PCDHGA5: variants seen among roughly 807,000 people sequenced by gnomAD.
The protein encoded by PCDHGA5 is protocadherin gamma subfamily A, 5, also known as protocadherin gamma-A5.
Under a neutral mutation model 56.7 loss-of-function variants are expected in PCDHGA5, and 36 were observed. That is an observed-to-expected ratio of 0.64 (90% CI 0.49 to 0.84). The LOEUF (loss-of-function observed/expected upper bound fraction) is 0.84, where lower values mean the gene tolerates loss of function less well. PCDHGA5 is among the 40% of genes least tolerant of loss of function. PCDHGA5 has a pLI of 0.00. For missense variants in PCDHGA5, 1,305 were observed against 1,201.5 expected (o/e 1.09, Z -1.27); for synonymous variants, 563 against 520.2 (o/e 1.08, Z -1.12).
chr5:141,415,315 G>T (rs201784236), intron 1 of PCDHGA5: 14 of 1,614,208 alleles, frequency 8.7e-6, no homozygotes, highest in African/African-American at 4.0e-5. Context: ...CTTCGTCATC[G>T]TGCTGCTGGC....
At position 141,374,676 on chromosome 5, in the gene PCDHGA5, G is replaced by T. The variant is rs372705367; in HGVS notation, c.2421+7925G>T. ...AAGTACCCGGAGCTGGTGCTGGAGG[G>T]CACACTGGACCGGGAAGGAGAAGCC... On this transcript the variant is annotated intron_variant, in intron 1 of 3. Coordinates refer to ENST00000518069, the MANE Select transcript of PCDHGA5 (RefSeq NM_018918.3). 8 of 1,610,386 alleles carry T rather than the reference G, an allele frequency of 5.0e-6. No individual in the cohort carries two copies. The African/African-American group carries it at 1.1e-4, about 22-fold the overall frequency.
At chr5:141,398,957 T>G (rs1307112913) in intron 1 of PCDHGA5, 1 of 1,613,868 alleles carries the variant, frequency 6.2e-7, no homozygotes, top group South Asian at 1.1e-5. Context: ...AACTCAGAAA[T>G]TACTTATTCC....
chr5:141,395,589 T>C (rs1254958503), intron 1 of PCDHGA5: 2 of 194,644 alleles, frequency 1.0e-5, no homozygotes, highest in Admixed American at 1.2e-4. Context: ...TGTGTGTGTG[T>C]GTATCCCAAA....
At chr5:141,371,673 A>G in intron 1 of PCDHGA5, 1 of 1,614,030 alleles carries the variant, frequency 6.2e-7, no homozygotes, top group Non-Finnish European at 8.5e-7. Flanking sequence ...AGCTACCGAC[A>G]AAGGCAATCC....
chr5:141,416,996 C>T (rs1280099812), intron 1 of PCDHGA5: 1 of 151,012 alleles, frequency 6.6e-6, no homozygotes. Flanking sequence ...GTGCATTCAT[C>T]TCAAATAATT....
At position 141,421,448 on chromosome 5, in the gene PCDHGA5, A is replaced by G. The variant is rs772957069; in HGVS notation, c.2421+54697A>G. On this transcript the variant is annotated intron_variant, in intron 1 of 3. Coordinates refer to ENST00000518069, the MANE Select transcript of PCDHGA5 (RefSeq NM_018918.3). ...CGCATCGTCTCCAGAGGGAAGACAC[A>G]GCTTTTCGCTGTGAATCCGCGAAGC... The G allele has an allele frequency of 7.8e-5, 126 of 1,614,014 alleles. No individual in the cohort carries two copies. The highest frequency in any genetic ancestry group is 1.0e-4 in the Non-Finnish European group (119 of 1,179,944).
At chr5:141,509,319 G>A (rs1427191152) in intron 3 of PCDHGA5, among the ~76,000 whole-genome samples, 3 of 152,216 alleles carry the variant, frequency 2.0e-5, no homozygotes, top group African/African-American at 4.8e-5. Context: ...TGGGAGAGAA[G>A]CTCTACTGCC....
At chr5:141,399,763 G>A (rs753865606) in intron 1 of PCDHGA5, 8 of 1,613,378 alleles carry the variant, frequency 5.0e-6, no homozygotes, top group Admixed American at 1.7e-5. Context: ...GAGCCTGCGC[G>A]TGTTGGTGGG....
chr5:141,453,870 C>A (rs932804656), intron 1 of PCDHGA5, among the ~76,000 whole-genome samples: 2 of 152,146 alleles, frequency 1.3e-5, no homozygotes, highest in African/African-American at 4.8e-5. Context: ...AACAGATGAG[C>A]AAAATAATGT....
intron 2 of PCDHGA5, among the ~76,000 whole-genome samples, chr5:141,498,421 A>C (rs1328848787): frequency 6.6e-6 from 1 of 152,016 alleles, no homozygotes; most frequent in Non-Finnish European, 1.5e-5. Flanking sequence ...CTGGCACTGG[A>C]GTGAGGGGAT....
chr5:141,375,144 G>C lies in PCDHGA5; in HGVS notation c.2421+8393G>C, dbSNP rs747224962. On this transcript the variant is annotated intron_variant, in intron 1 of 3. Transcript: ENST00000518069. Reference sequence around the variant, plus strand: ...GAAGTGGTTGTTACATCTGGAAGCAGAACAATTGCTGAAAGTGCACCTCCA... The same window carrying C: ...GAAGTGGTTGTTACATCTGGAAGCACAACAATTGCTGAAAGTGCACCTCCA... 18 of 1,613,936 alleles carry C rather than the reference G, an allele frequency of 1.1e-5. No individual in the cohort carries two copies. The South Asian group carries it at 1.4e-4, about 13-fold the overall frequency.
At chr5:141,422,044 G>C in intron 1 of PCDHGA5, 1 of 1,611,530 alleles carries the variant, frequency 6.2e-7, no homozygotes, top group Admixed American at 1.7e-5. Flanking sequence ...TCCAGACGAG[G>C]GAATCAACGG....
At chr5:141,372,757 T>A (rs1435453699) in intron 1 of PCDHGA5, 1 of 1,613,122 alleles carries the variant, frequency 6.2e-7, no homozygotes, top group Non-Finnish European at 8.5e-7. Context: ...GCCTCTTGGT[T>A]TGAAAGTAAT....
At chr5:141,445,254 AAT>A (rs1214840265) in intron 1 of PCDHGA5, among the ~76,000 whole-genome samples, 49 of 152,350 alleles carry the variant, frequency 3.2e-4, no homozygotes, top group Non-Finnish European at 5.9e-5. Context: ...ATTGTGTGAG[AAT>A]ATAAGTCGAA....
At chr5:141,412,814 C>CAT (rs1339609844) in intron 1 of PCDHGA5, among the ~76,000 whole-genome samples, 1 of 152,180 alleles carries the variant, frequency 6.6e-6, no homozygotes, top group Non-Finnish European at 1.5e-5. Context: ...AAGAAACCTA[C>CAT]ATATAGTAAA....
At chr5:141,415,502 A>C (rs1162629839) in intron 1 of PCDHGA5, 6 of 1,614,086 alleles carry the variant, frequency 3.7e-6, no homozygotes, top group Admixed American at 1.7e-5. Flanking sequence ...ATCTTCCCCC[A>C]GCCCAATTAT....
intron 1 of PCDHGA5, among the ~76,000 whole-genome samples, chr5:141,444,312 C>G (rs2098431691): frequency 6.6e-6 from 1 of 151,856 alleles, no homozygotes; most frequent in Non-Finnish European, 1.5e-5. Flanking sequence ...GCTAGGATTA[C>G]AGGCATGTGC....
At chr5:141,459,814 T>C (rs757306281) in intron 1 of PCDHGA5, among the ~76,000 whole-genome samples, 1 of 152,256 alleles carries the variant, frequency 6.6e-6, no homozygotes, top group African/African-American at 2.4e-5. Flanking sequence ...CTAGAGACAC[T>C]GAGCAACTTT....
chr5:141,415,515 G>A (rs752258863), intron 1 of PCDHGA5: 5 of 1,614,152 alleles, frequency 3.1e-6, no homozygotes, highest in South Asian at 1.1e-5. Flanking sequence ...CCAATTATGC[G>A]GACACGCTCA....
Sources: allele counts gnomAD v4.1 joint callset (sites outside exome capture counted in the v4.1 genomes callset), GRCh38; gene constraint gnomAD v4.1.1; transcripts MANE v1.5; gene names NCBI Gene and HGNC (gene_info 2026-07-23, HGNC 2026-07-21).